Variants in NME7 observed in about 807,000 individuals in gnomAD.
NME7 encodes the protein nucleoside diphosphate kinase 7.
A neutral mutation model predicts 49.1 loss-of-function variants in NME7; 41 were observed. The ratio of observed to expected loss-of-function variants is 0.83; its 90% CI spans 0.65 to 1.08. The LOEUF is 1.08. Ranked by LOEUF, NME7 falls within the 50% of genes least tolerant of loss-of-function variation. The pLI is 0.00. For synonymous variants in NME7, 139 were observed against 150.6 expected (o/e 0.92, Z 0.56); for missense variants, 423 against 463.4 (o/e 0.91, Z 0.80).
chr1:169,278,061 T>A lies in NME7; in HGVS notation c.754+9242A>T, dbSNP rs1649818985. Among the ~76,000 whole-genome samples the A allele has an allele frequency of 1.3e-5, 2 of 151,858 alleles. 1 individual carries two copies. The highest frequency in any genetic ancestry group is 2.9e-5 in the Non-Finnish European group (2 of 67,998). Reference sequence around the variant, plus strand: ...GAGTTTCTGCCGAGAGATCCGCTGTTAGTCTGATGGGCTTCCCTTTGTGGG... The same window carrying A: ...GAGTTTCTGCCGAGAGATCCGCTGTAAGTCTGATGGGCTTCCCTTTGTGGG... On this transcript the variant is annotated intron_variant, in intron 7 of 11. Coordinates refer to ENST00000367811, the MANE Select transcript of NME7 (RefSeq NM_013330.5).
intron 8 of NME7, 52 bp downstream of exon 8, chr1:169,237,571 T>G (rs1292771811): frequency 7.4e-7 from 1 of 1,356,300 alleles, no homozygotes; most frequent in East Asian, 2.3e-5. Flanking sequence ...ATTTTATAAC[T>G]ATTTTTGAAA....
At chr1:169,199,450 T>TTATTA (rs1660481206) in intron 10 of NME7, among the ~76,000 whole-genome samples, 7 of 111,556 alleles carry the variant, frequency 6.3e-5, no homozygotes, top group African/African-American at 2.3e-4. Flanking sequence ...CAGGGTCTTT[T>TTATTA]TTATTATTAT....
chr1:169,199,573 C>A, intron 10 of NME7, among the ~76,000 whole-genome samples: 1 of 151,432 alleles, frequency 6.6e-6, no homozygotes, highest in Admixed American at 6.6e-5. Context: ...CCCGCCTCAG[C>A]CTCCCAAGTA....
intron 10 of NME7, among the ~76,000 whole-genome samples, chr1:169,228,846 C>T (rs1160236296): frequency 5.3e-5 from 8 of 152,144 alleles, no homozygotes; most frequent in Admixed American, 5.2e-4. Flanking sequence ...TAAACAGCAT[C>T]ATTACCAATT....
At chr1:169,159,110 G>T (rs1269986916) in intron 11 of NME7, among the ~76,000 whole-genome samples, 1 of 152,128 alleles carries the variant, frequency 6.6e-6, no homozygotes, top group Non-Finnish European at 1.5e-5. Flanking sequence ...TGAAGCTGTT[G>T]GGTGAGGGCT....
rs201804696 is a variant in NME7, at chr1:169,298,769, A to G, written c.441-6T>C. On this transcript the variant is annotated splice_region_variant and splice_polypyrimidine_tract_variant and intron_variant, in intron 5 of 11. Coordinates refer to ENST00000367811, the MANE Select transcript of NME7 (RefSeq NM_013330.5). ...TAATAAACTGGATCAGCTCACTACA[A>G]AACAGATAGAAGATTAGTTTGCTTC... 1.7e-4 allele frequency: 267 copies of G among 1,610,858 alleles called. 1 individual carries two copies. Among genetic ancestry groups the G allele is most frequent in the Non-Finnish European group, 2.1e-4 (246 of 1,178,088 alleles).
At chr1:169,141,556 G>A (rs1658595429) in intron 11 of NME7, among the ~76,000 whole-genome samples, 1 of 139,864 alleles carries the variant, frequency 7.1e-6, no homozygotes, top group South Asian at 2.4e-4. Flanking sequence ...CTGATATGCT[G>A]AGTGTCCTCA....
At chr1:169,254,048 G>A (rs1648774660) in intron 7 of NME7, among the ~76,000 whole-genome samples, 1 of 151,242 alleles carries the variant, frequency 6.6e-6, no homozygotes, top group Non-Finnish European at 1.5e-5. Context: ...TCTCTGCCTG[G>A]CTTTGGTATC....
rs1652480483 is a variant in NME7, at chr1:169,336,489, C to CA, written c.4-11990_4-11989insT. The stretch of plus-strand genomic sequence containing the variant: ...CTGAGCTAGATACAAAGGTTCTTCA[C>CA]GTCCCCATCAGATTAGTTAGATACA... On this transcript the variant is annotated intron_variant, in intron 1 of 11. Coordinates refer to ENST00000367811, the MANE Select transcript of NME7 (RefSeq NM_013330.5). 7.9e-5 allele frequency among the ~76,000 whole-genome samples: 12 copies of CA among 152,256 alleles called. No homozygotes were observed. The South Asian group carries it at 2.5e-3, about 32-fold the overall frequency.
intron 10 of NME7, among the ~76,000 whole-genome samples, chr1:169,205,393 C>T (rs1001487303): frequency 6.6e-6 from 1 of 152,088 alleles, no homozygotes; most frequent in African/African-American, 2.4e-5. Context: ...AAAACTCATT[C>T]AAGTCTTCCC....
chr1:169,225,305 C>T (rs1433979308), intron 10 of NME7, among the ~76,000 whole-genome samples: 6 of 152,158 alleles, frequency 3.9e-5, no homozygotes, highest in Non-Finnish European at 7.4e-5. Flanking sequence ...GATGGGGTTT[C>T]GCCATGTTGG....
intron 9 of NME7, among the ~76,000 whole-genome samples, 155 bp from the exon 10 acceptor site, chr1:169,230,974 T>C (rs1240139983): frequency 6.6e-6 from 1 of 152,204 alleles, no homozygotes; most frequent in African/African-American, 2.4e-5. Context: ...TTCTGTCCAT[T>C]TTTCCTTGAA....
intron 3 of NME7, 49 bp downstream of exon 3, chr1:169,323,068 T>C: frequency 7.0e-7 from 1 of 1,435,030 alleles, no homozygotes; most frequent in Non-Finnish European, 9.2e-7. Context: ...AGATTGACTT[T>C]GAACCCAAAG....
intron 1 of NME7, among the ~76,000 whole-genome samples, chr1:169,332,705 T>C (rs1251182483): frequency 6.6e-6 from 1 of 151,858 alleles, no homozygotes; most frequent in African/African-American, 2.4e-5. Flanking sequence ...AAATGGAAAA[T>C]AAGCATATGA....
At chr1:169,173,496 T>C (rs991349050) in intron 10 of NME7, among the ~76,000 whole-genome samples, 5 of 152,094 alleles carry the variant, frequency 3.3e-5, no homozygotes, top group African/African-American at 1.2e-4. Flanking sequence ...TATAAAACAA[T>C]AGGTATTTTC....
At chr1:169,160,318 C>G (rs12724802) in intron 11 of NME7, among the ~76,000 whole-genome samples, 57,669 of 151,698 alleles carry the variant, frequency 0.38, 11,364 homozygotes, top group East Asian at 0.73. Context: ...CTGGGCCAAA[C>G]TGTTCACCAG....
intron 1 of NME7, among the ~76,000 whole-genome samples, chr1:169,327,181 G>T (rs1435235196): frequency 6.6e-6 from 1 of 152,148 alleles, no homozygotes; most frequent in Admixed American, 6.5e-5. Context: ...GATACACCTT[G>T]AGTTGTCTGT....
chr1:169,333,511 T>C (rs376186179), intron 1 of NME7, among the ~76,000 whole-genome samples: 2 of 95,036 alleles, frequency 2.1e-5, no homozygotes, highest in Non-Finnish European at 6.1e-5. Flanking sequence ...AGGATAAATG[T>C]ATCAAAAGGA....
At chr1:169,233,572 T>A (rs1283627549) in intron 9 of NME7, among the ~76,000 whole-genome samples, 1 of 152,046 alleles carries the variant, frequency 6.6e-6, no homozygotes, top group African/African-American at 2.4e-5. Flanking sequence ...TGAATATTGA[T>A]CCAAAAGCAG....
Sources: gnomAD v4.1 joint callset for allele counts (sites outside exome capture counted in the v4.1 genomes callset) on GRCh38, gnomAD v4.1.1 for gene constraint, MANE v1.5 for transcripts, NCBI Gene and HGNC (gene_info 2026-07-23, HGNC 2026-07-21) for gene names.